The following TRPS1 variants were observed in gnomAD, a reference collection of about 807,000 sequenced individuals.
The protein encoded by TRPS1 is transcriptional repressor GATA binding 1.
TRPS1 carries 6 observed loss-of-function variants against 101.2 expected under a neutral mutation model. The ratio of observed to expected loss-of-function variants is 0.06; its 90% CI spans 0.03 to 0.12. The LOEUF (loss-of-function observed/expected upper bound fraction) is 0.12, where lower values mean the gene tolerates loss of function less well. TRPS1 is among the 10% of genes least tolerant of loss of function. The probability of loss-of-function intolerance (pLI) is 1.00; values close to 1 mark genes in which losing one functional copy is unlikely to be tolerated. For synonymous variants in TRPS1, 578 were observed against 589.8 expected, an observed-to-expected ratio of 0.98 and a Z score of 0.29; for missense variants, 1,363 against 1,567.0, an observed-to-expected ratio of 0.87 and a Z score of 2.20.
At chr8:115,586,901 G>A in intron 5 of TRPS1, 100 bp downstream of exon 5, 1 of 1,591,994 alleles carries the variant, frequency 6.3e-7, no homozygotes. Context: ...AGATCATTAA[G>A]TTTCACTTCA....
intron 5 of TRPS1, among the ~76,000 whole-genome samples, chr8:115,540,044 C>T (rs1816414692): frequency 6.6e-6 from 1 of 152,202 alleles, no homozygotes; most frequent in Admixed American, 6.5e-5. Context: ...CACACACCAC[C>T]TCTTGACCGC....
chr8:115,463,445 C>T (rs1401634339), intron 5 of TRPS1, among the ~76,000 whole-genome samples: 1 of 152,138 alleles, frequency 6.6e-6, no homozygotes, highest in Non-Finnish European at 1.5e-5. Context: ...TTCTGTCTGT[C>T]TAAATTCCTA....
intron 5 of TRPS1, among the ~76,000 whole-genome samples, chr8:115,567,092 A>T (rs2223103): frequency 0.69 from 105,083 of 151,976 alleles, 37,748 homozygotes; most frequent in African/African-American, 0.89. Flanking sequence ...TTTACACCAT[A>T]GAGAGGAAAG....
rs544475819 is a variant in TRPS1, at chr8:115,447,055, T to C, written c.2701-28603A>G. Among the ~76,000 whole-genome samples, 3 of 152,260 alleles carry C rather than the reference T, an allele frequency of 2.0e-5. No individual in the cohort carries two copies. The South Asian group carries it at 6.2e-4, about 32-fold the overall frequency. On this transcript the variant is annotated intron_variant, in intron 5 of 6. Transcript: ENST00000395715. ...AAGACCCGGTGAATCAGAATCACTA[T>C]AGTTATAAGTTCCAGGAACCTGTAT...
chr8:115,484,556 A>G (rs1307493390), intron 5 of TRPS1, among the ~76,000 whole-genome samples: 1 of 152,038 alleles, frequency 6.6e-6, no homozygotes, highest in African/African-American at 2.4e-5. Context: ...TCTTGCTTTG[A>G]TATTTAGGGT....
intron 4 of TRPS1, among the ~76,000 whole-genome samples, chr8:115,591,664 G>A (rs1314412447): frequency 6.6e-6 from 1 of 152,166 alleles, no homozygotes; most frequent in African/African-American, 2.4e-5. Flanking sequence ...TACAGGTGCT[G>A]GAGAGCTGTA....
At chr8:115,619,013 T>C (rs1818327003) in intron 3 of TRPS1, 119 bp downstream of exon 3, 2 of 1,054,722 alleles carry the variant, frequency 1.9e-6, no homozygotes, top group Non-Finnish European at 2.8e-6. Context: ...CCATCTCTTC[T>C]GCTAGATCTA....
chr8:115,499,962 T>TC (rs1815269035), intron 5 of TRPS1, among the ~76,000 whole-genome samples: 2 of 54,520 alleles, frequency 3.7e-5, no homozygotes, highest in Admixed American at 4.3e-4. Flanking sequence ...TTTCTTTCTT[T>TC]CTTTTCTTTT....
chr8:115,666,629 T>A (rs944939761), intron 1 of TRPS1, among the ~76,000 whole-genome samples: 57 of 152,228 alleles, frequency 3.7e-4, no homozygotes, highest in African/African-American at 1.4e-3. Flanking sequence ...GGCAGCCTTT[T>A]CTAAATGATC....
chr8:115,461,577 T>G (rs971945370), intron 5 of TRPS1, among the ~76,000 whole-genome samples: 13 of 152,202 alleles, frequency 8.5e-5, no homozygotes, highest in Non-Finnish European at 1.6e-4. Context: ...AAAGGTTTCT[T>G]GAACTAATGA....
chr8:115,665,143 A>G (rs1226601098), intron 1 of TRPS1, among the ~76,000 whole-genome samples: 1 of 152,184 alleles, frequency 6.6e-6, no homozygotes, highest in Admixed American at 6.5e-5. Context: ...AAAAATGTTT[A>G]AAGGTCAGTT....
At chr8:115,520,319 A>G (rs1815827183) in intron 5 of TRPS1, among the ~76,000 whole-genome samples, 4 of 151,860 alleles carry the variant, frequency 2.6e-5, no homozygotes, top group African/African-American at 9.6e-5. Context: ...AAGTACAGAA[A>G]AAAGAAATAA....
intron 5 of TRPS1, among the ~76,000 whole-genome samples, chr8:115,528,368 TAC>T (rs1563576932): frequency 6.6e-6 from 1 of 152,074 alleles, no homozygotes; most frequent in Non-Finnish European, 1.5e-5. Flanking sequence ...AGTTATACGC[TAC>T]CTCTCTTAAT....
intron 1 of TRPS1, among the ~76,000 whole-genome samples, chr8:115,634,237 C>G (rs1289861275): frequency 6.6e-6 from 1 of 152,132 alleles, no homozygotes; most frequent in Non-Finnish European, 1.5e-5. Context: ...TCCAAGACTA[C>G]AGTCACCTAA....
intron 5 of TRPS1, among the ~76,000 whole-genome samples, chr8:115,540,559 ATCAGTAGTAG>A (rs1214117330): frequency 2.0e-5 from 3 of 152,056 alleles, no homozygotes; most frequent in Non-Finnish European, 2.9e-5. Context: ...CAGTTGACTG[ATCAGTAGTAG>A]TCAGTTAACT....
intron 5 of TRPS1, among the ~76,000 whole-genome samples, chr8:115,532,661 A>G (rs1816164298): frequency 6.6e-6 from 1 of 152,122 alleles, no homozygotes; most frequent in South Asian, 2.1e-4. Context: ...ATTGAGACCA[A>G]TATATTTATA....
Position 115,429,868 on chromosome 8 carries a change from A to G in TRPS1, c.2701-11416T>C, listed in dbSNP as rs191397004. Among the ~76,000 whole-genome samples, 7 of 152,292 alleles carry G rather than the reference A, an allele frequency of 4.6e-5. No individual in the cohort carries two copies. The East Asian group carries it at 1.3e-3, about 29-fold the overall frequency. On this transcript the variant is annotated intron_variant, in intron 5 of 6. Coordinates refer to ENST00000395715, the MANE Select transcript of TRPS1 (RefSeq NM_014112.5). ...AGACGTAAATAAATTATAGCAAGAA[A>G]TTACCCACAATTATTTTTTAAAGTG...
chr8:115,447,240 T>G (rs1813760467), intron 5 of TRPS1, among the ~76,000 whole-genome samples: 1 of 152,134 alleles, frequency 6.6e-6, no homozygotes, highest in East Asian at 1.9e-4. Flanking sequence ...CTATCCTTGC[T>G]CCAAAGGAGC....
intron 1 of TRPS1, among the ~76,000 whole-genome samples, chr8:115,624,997 C>T (rs890115359): frequency 1.3e-5 from 2 of 151,610 alleles, no homozygotes; most frequent in South Asian, 4.2e-4. Flanking sequence ...CATATTTACT[C>T]CAACTAACCT....
Sources: gnomAD v4.1 joint callset for allele counts (sites outside exome capture counted in the v4.1 genomes callset) on GRCh38, gnomAD v4.1.1 for gene constraint, MANE v1.5 for transcripts, NCBI Gene and HGNC (gene_info 2026-07-23, HGNC 2026-07-21) for gene names.